Variants in ANXA10 observed in about 807,000 individuals in gnomAD.
The protein encoded by ANXA10 is annexin 14.
Under a neutral mutation model 53.5 loss-of-function variants are expected in ANXA10, and 49 were observed. That is an observed-to-expected ratio of 0.92 (90% CI 0.73 to 1.16). ANXA10 has a LOEUF of 1.16. ANXA10 is among the 50% of genes most tolerant of loss of function. ANXA10 has a pLI of 0.00. For missense variants in ANXA10, 393 were observed against 394.4 expected, an observed-to-expected ratio of 1.00 and a Z score of 0.03; for synonymous variants, 131 against 128.9, an observed-to-expected ratio of 1.02 and a Z score of -0.11.
intron 3 of ANXA10, among the ~76,000 whole-genome samples, chr4:168,157,392 C>A (rs1465408270): frequency 6.6e-6 from 1 of 151,956 alleles, no homozygotes; most frequent in Non-Finnish European, 1.5e-5. Flanking sequence ...CTCAGCCTCC[C>A]GAGTAGCTGG....
chr4:168,162,365 C>CATCAAA (rs1229379610), intron 3 of ANXA10, among the ~76,000 whole-genome samples, 163 bp from the exon 4 acceptor site: 1 of 152,134 alleles, frequency 6.6e-6, no homozygotes, highest in Non-Finnish European at 1.5e-5. Context: ...TTTTCAAGTT[C>CATCAAA]ATCATCTCAT....
intron 3 of ANXA10, among the ~76,000 whole-genome samples, chr4:168,154,823 T>A (rs1731573544): frequency 6.6e-6 from 1 of 152,158 alleles, no homozygotes; most frequent in South Asian, 2.1e-4. Context: ...AGTTCCTAAC[T>A]CACAGGGTTG....
intron 1 of ANXA10, among the ~76,000 whole-genome samples, chr4:168,121,755 A>G (rs1436576610): frequency 2.0e-5 from 3 of 152,142 alleles, no homozygotes; most frequent in Non-Finnish European, 4.4e-5. Flanking sequence ...AATTTTTTTC[A>G]TTGAACATGT....
At chr4:168,114,769 T>C (rs1338224818) in intron 1 of ANXA10, among the ~76,000 whole-genome samples, 1 of 152,200 alleles carries the variant, frequency 6.6e-6, no homozygotes, top group Non-Finnish European at 1.5e-5. Flanking sequence ...TGTGTTAATT[T>C]GCTAAGGATA....
chr4:168,137,358 C>T (rs776622694), intron 2 of ANXA10, among the ~76,000 whole-genome samples: 1 of 152,078 alleles, frequency 6.6e-6, no homozygotes, highest in East Asian at 1.9e-4. Context: ...GGAGTCTGTG[C>T]TTTTAGTGTA....
intron 3 of ANXA10, among the ~76,000 whole-genome samples, chr4:168,156,258 TA>T (rs1731671663): frequency 2.3e-5 from 1 of 42,950 alleles, no homozygotes; most frequent in African/African-American, 7.7e-5. Context: ...ATATTATATA[TA>T]ATGTATATAT....
At chr4:168,177,715 T>C (rs369045100) in intron 6 of ANXA10, 25 bp from the exon 7 acceptor site, 6 of 1,613,170 alleles carry the variant, frequency 3.7e-6, no homozygotes, top group Non-Finnish European at 5.1e-6. Flanking sequence ...AACATTTACA[T>C]GGAAAACCTG....
chr4:168,146,202 C>A (rs1274086005), intron 3 of ANXA10, among the ~76,000 whole-genome samples: 1 of 152,156 alleles, frequency 6.6e-6, no homozygotes, highest in African/African-American at 2.4e-5. Context: ...AGCCACCATG[C>A]CTGGCCTTGA....
chr4:168,107,475 T>A (rs1184193845), intron 1 of ANXA10, among the ~76,000 whole-genome samples: 1 of 152,208 alleles, frequency 6.6e-6, no homozygotes, highest in East Asian at 1.9e-4. Context: ...CTAAGGATAA[T>A]TACTGGTGGC....
At chr4:168,159,687 GT>G (rs1455248157) in intron 3 of ANXA10, among the ~76,000 whole-genome samples, 2 of 151,998 alleles carry the variant, frequency 1.3e-5, no homozygotes, top group African/African-American at 4.8e-5. Context: ...GTTTATAATA[GT>G]CTCTTTTTAC....
intron 3 of ANXA10, among the ~76,000 whole-genome samples, chr4:168,143,894 C>A (rs1273984043): frequency 6.6e-6 from 1 of 152,034 alleles, no homozygotes; most frequent in African/African-American, 2.4e-5. Context: ...CTCAATGGAG[C>A]AAACACTCAG....
chr4:168,187,194 T>G (rs541816472), intron 11 of ANXA10, among the ~76,000 whole-genome samples, 172 bp from the exon 12 acceptor site: 1 of 152,286 alleles, frequency 6.6e-6, no homozygotes, highest in Non-Finnish European at 1.5e-5. Context: ...CTTCAACAAC[T>G]TTCATTGGGA....
chr4:168,126,154 C>T (rs17053690), intron 1 of ANXA10, among the ~76,000 whole-genome samples: 5,505 of 151,902 alleles, frequency 0.036, 345 homozygotes, highest in African/African-American at 0.12. Context: ...GGGCATTGTT[C>T]GAAAGGTATA....
chr4:168,147,493 T>C (rs1560971592), intron 3 of ANXA10, among the ~76,000 whole-genome samples: 1 of 152,214 alleles, frequency 6.6e-6, no homozygotes, highest in Non-Finnish European at 1.5e-5. Context: ...CTTATGGGGC[T>C]TCATAGGTAG....
chr4:168,164,827 T>C (rs1731846279), intron 5 of ANXA10, among the ~76,000 whole-genome samples: 1 of 152,172 alleles, frequency 6.6e-6, no homozygotes, highest in Admixed American at 6.5e-5. Flanking sequence ...AAGAAAATGT[T>C]GCGGACAGTC....
Position 168,187,372 on chromosome 4 carries a change from G to T in ANXA10, c.913G>T (p.Ala305Ser). The stretch of plus-strand genomic sequence containing the variant: ...ATTATATTTTTCTTTTCAGAATTTT[G>T]CTTCAGGGCATTATAAGAAAGCACT... Reference protein sequence around the residue: ...KSLFHDIRNFASGHYKKALLA... With the variant: ...KSLFHDIRNFSSGHYKKALLA... Residue 305 changes from alanine (A) to serine (S), a missense_variant, in exon 12 of 12, where the codon GCT becomes TCT. Ala to Ser is a moderately conservative substitution (Grantham distance 99). Coordinates refer to ENST00000359299, the MANE Select transcript of ANXA10 (RefSeq NM_007193.5). 1 of 1,584,622 alleles carries T rather than the reference G, an allele frequency of 6.3e-7. No homozygotes were observed. Among genetic ancestry groups the T allele is most frequent in the Admixed American group, 1.7e-5 (1 of 57,770 alleles).
rs544127077 is a variant in ANXA10, at chr4:168,118,921, C to A, written c.19-9163C>A. 1.8e-3 allele frequency among the ~76,000 whole-genome samples: 273 copies of A among 152,022 alleles called. 1 individual carries two copies. The highest frequency in any genetic ancestry group is 2.0e-3 in the Non-Finnish European group (134 of 67,958). On this transcript the variant is annotated intron_variant, in intron 1 of 11. Transcript: ENST00000359299. ...TTGTAACTAATTCTAAAGTATCTGG[C>A]TAACAGAGAACAATATTTGTGCATT...
intron 1 of ANXA10, among the ~76,000 whole-genome samples, chr4:168,102,604 C>T (rs1730657465): frequency 6.6e-6 from 1 of 152,050 alleles, no homozygotes; most frequent in South Asian, 2.1e-4. Flanking sequence ...GAGTCACTGT[C>T]TCTTGTATGG....
At chr4:168,155,780 T>A (rs767178443) in intron 3 of ANXA10, among the ~76,000 whole-genome samples, 6 of 9,474 alleles carry the variant, frequency 6.3e-4, no homozygotes, top group African/African-American at 3.9e-3. Flanking sequence ...TATCATATAT[T>A]ATATATTATA....
Sources: gnomAD v4.1 joint callset for allele counts (sites outside exome capture counted in the v4.1 genomes callset) on GRCh38, gnomAD v4.1.1 for gene constraint, MANE v1.5 for transcripts, NCBI Gene and HGNC (gene_info 2026-07-23, HGNC 2026-07-21) for gene names.